METTL15: variants seen among roughly 807,000 people sequenced by gnomAD.
METTL15 encodes methyltransferase 15, mitochondrial 12S rRNA N4-cytidine.
Under a neutral mutation model 38.3 loss-of-function variants are expected in METTL15, and 34 were observed. The ratio of observed to expected loss-of-function variants is 0.89; its 90% CI spans 0.68 to 1.18. METTL15 has a LOEUF of 1.18. Ranked by LOEUF, METTL15 falls within the 50% of genes most tolerant of loss-of-function variation. The probability of loss-of-function intolerance (pLI) is 0.00; values close to 1 mark genes in which losing one functional copy is unlikely to be tolerated. For missense variants in METTL15, 438 were observed against 498.4 expected (o/e 0.88, Z 1.15); for synonymous variants, 162 against 170.9 (o/e 0.95, Z 0.41).
chr11:28,168,420 A>G (rs1223920309), intron 3 of METTL15, among the ~76,000 whole-genome samples: 2 of 151,264 alleles, frequency 1.3e-5, no homozygotes, highest in Non-Finnish European at 2.9e-5. Flanking sequence ...ATAATCTTGC[A>G]TTCATTCTTG....
chr11:28,376,060 A>C (rs1207345285), intron 5 of METTL15, among the ~76,000 whole-genome samples: 1 of 151,940 alleles, frequency 6.6e-6, no homozygotes, highest in Non-Finnish European at 1.5e-5. Flanking sequence ...GTTCTTTTAC[A>C]TTTGCTGAGG....
chr11:28,252,758 C>G (rs939215024), intron 4 of METTL15, among the ~76,000 whole-genome samples: 2 of 152,012 alleles, frequency 1.3e-5, no homozygotes, highest in Non-Finnish European at 2.9e-5. Flanking sequence ...TCCTTTGCAG[C>G]TTGGCTTTAC....
rs369434550 is a variant in METTL15 at position 28,215,130 on chromosome 11, C to T, written c.407+3932C>T. On this transcript the variant is annotated intron_variant, in intron 4 of 6. Coordinates refer to ENST00000407364, the MANE Select transcript of METTL15 (RefSeq NM_001113528.2). ...GACAAAAAGGATATATGGTCTAATG[C>T]TAACTGACTGAGTTGGGGGAACTCA... Among the ~76,000 whole-genome samples, 16 of 152,266 alleles carry T rather than the reference C, an allele frequency of 1.1e-4. No homozygotes were observed. In the South Asian group the frequency reaches 1.9e-3, roughly 18 times the overall value.
rs571263069 is a variant in METTL15 at position 28,247,196 on chromosome 11, A to C, written c.407+35998A>C. 3.3e-5 allele frequency among the ~76,000 whole-genome samples: 5 copies of C among 152,258 alleles called. No homozygotes were observed. The South Asian group carries it at 1.0e-3, about 32-fold the overall frequency. ...CACACTGATTTCAAATACTTAGTAT[A>C]AATAAAGAATGTAAACAAATTTGCA... On this transcript the variant is annotated intron_variant, in intron 4 of 6. Coordinates refer to ENST00000407364, the MANE Select transcript of METTL15 (RefSeq NM_001113528.2).
intron 4 of METTL15, among the ~76,000 whole-genome samples, chr11:28,216,469 A>G (rs539222465): frequency 6.6e-6 from 1 of 152,314 alleles, no homozygotes; most frequent in South Asian, 2.1e-4. Context: ...TTCAAGAATA[A>G]CTTCTAGATG....
chr11:28,250,676 A>G (rs1435236093), intron 4 of METTL15, among the ~76,000 whole-genome samples: 1 of 151,986 alleles, frequency 6.6e-6, no homozygotes, highest in Non-Finnish European at 1.5e-5. Flanking sequence ...ATTCAGCAAA[A>G]TTAATTATTG....
intron 4 of METTL15, among the ~76,000 whole-genome samples, chr11:28,238,232 G>A (rs1854108983): frequency 1.3e-5 from 2 of 152,188 alleles, no homozygotes; most frequent in South Asian, 4.1e-4. Context: ...AGGCAGGCAG[G>A]CCTCCTTGAG....
At chr11:28,324,908 C>T (rs1409194931) in intron 6 of METTL15, among the ~76,000 whole-genome samples, 1 of 152,150 alleles carries the variant, frequency 6.6e-6, no homozygotes, top group East Asian at 1.9e-4. Context: ...CTTTCTTATA[C>T]TAGCTCTCTA....
At chr11:28,250,100 G>T (rs1313711400) in intron 4 of METTL15, among the ~76,000 whole-genome samples, 1 of 151,804 alleles carries the variant, frequency 6.6e-6, no homozygotes, top group East Asian at 1.9e-4. Context: ...TATATGTACT[G>T]CATTGTCTTT....
chr11:28,367,987 A>G (rs1302611150), intron 5 of METTL15, among the ~76,000 whole-genome samples: 2 of 152,134 alleles, frequency 1.3e-5, no homozygotes, highest in Non-Finnish European at 2.9e-5. Context: ...GCACCATAAA[A>G]ATCCTAGAAG....
chr11:28,223,163 A>G (rs899472770), intron 4 of METTL15, among the ~76,000 whole-genome samples: 1 of 152,140 alleles, frequency 6.6e-6, no homozygotes, highest in African/African-American at 2.4e-5. Flanking sequence ...CAAACTTTAT[A>G]TATACATCGC....
chr11:28,456,185 ATT>A (rs34218632), intron 6 of METTL15, among the ~76,000 whole-genome samples: 3 of 144,374 alleles, frequency 2.1e-5, no homozygotes, highest in South Asian at 2.2e-4. Context: ...TTTAAAAAAA[ATT>A]TTTGTAGAGA....
intron 5 of METTL15, among the ~76,000 whole-genome samples, chr11:28,393,762 G>C (rs1219045494): frequency 6.6e-6 from 1 of 152,034 alleles, no homozygotes; most frequent in African/African-American, 2.4e-5. Flanking sequence ...GGTCACTTAG[G>C]TATGCCCTGG....
intron 3 of METTL15, chr11:28,123,868 A>G (rs1852355810): frequency 2.0e-6 from 3 of 1,478,766 alleles, no homozygotes; most frequent in Non-Finnish European, 2.7e-6. Flanking sequence ...CAAGCAAAAG[A>G]AGTAAACTGT....
chr11:28,120,471 G>T (rs1478828011), intron 3 of METTL15, among the ~76,000 whole-genome samples: 1 of 151,814 alleles, frequency 6.6e-6, no homozygotes, highest in Non-Finnish European at 1.5e-5. Flanking sequence ...CACTGCCAGT[G>T]CTGTTCTGGT....
intron 5 of METTL15, among the ~76,000 whole-genome samples, chr11:28,392,039 G>A (rs1456658742): frequency 6.6e-6 from 1 of 152,132 alleles, no homozygotes; most frequent in Non-Finnish European, 1.5e-5. Flanking sequence ...CCTACAGAAT[G>A]AGAGAAAATT....
chr11:28,470,344 C>T (rs1851292846), intron 6 of METTL15, among the ~76,000 whole-genome samples: 7 of 152,108 alleles, frequency 4.6e-5, no homozygotes, highest in Admixed American at 4.6e-4. Flanking sequence ...ATTTACCTGA[C>T]CCTCTTGTGG....
chr11:28,231,206 T>A (rs1853671482), intron 4 of METTL15, among the ~76,000 whole-genome samples: 1 of 151,814 alleles, frequency 6.6e-6, no homozygotes, highest in South Asian at 2.1e-4. Flanking sequence ...GACAGATAAT[T>A]AAGAAGTATT....
chr11:28,294,657 G>A (rs1856662658), intron 5 of METTL15, among the ~76,000 whole-genome samples: 1 of 152,188 alleles, frequency 6.6e-6, no homozygotes, highest in South Asian at 2.1e-4. Flanking sequence ...GAACTCTGGA[G>A]GACTGACAAG....
Sources: allele counts gnomAD v4.1 joint callset (sites outside exome capture counted in the v4.1 genomes callset), GRCh38; gene constraint gnomAD v4.1.1; transcripts MANE v1.5; gene names NCBI Gene and HGNC (gene_info 2026-07-23, HGNC 2026-07-21).